FAM193A: variants seen among roughly 807,000 people sequenced by gnomAD.
The protein encoded by FAM193A is family with sequence similarity 193 member A, also known as protein FAM193A.
FAM193A carries 22 observed loss-of-function variants against 126.5 expected under a neutral mutation model. The ratio of observed to expected loss-of-function variants is 0.17; its 90% CI spans 0.12 to 0.25. The LOEUF (loss-of-function observed/expected upper bound fraction) is 0.25, where lower values mean the gene tolerates loss of function less well. FAM193A is among the 10% of genes least tolerant of loss of function. The probability of loss-of-function intolerance (pLI) is 1.00; values close to 1 mark genes in which losing one functional copy is unlikely to be tolerated. For missense variants in FAM193A, 1,675 were observed against 1,672.8 expected (o/e 1.00, Z -0.02); for synonymous variants, 761 against 646.8 (o/e 1.18, Z -2.68).
intron 1 of FAM193A, among the ~76,000 whole-genome samples, chr4:2,594,603 C>T (rs1345070577): frequency 1.3e-5 from 2 of 152,094 alleles, no homozygotes; most frequent in African/African-American, 4.8e-5. Flanking sequence ...TTGCCCTGCT[C>T]CCTGGGAGTG....
At chr4:2,640,005 A>C in intron 6 of FAM193A, 146 bp downstream of exon 6, 1 of 719,710 alleles carries the variant, frequency 1.4e-6, no homozygotes, top group Non-Finnish European at 2.2e-6. Flanking sequence ...AGTTTGGGCC[A>C]AAAGCTCAAA....
At chr4:2,546,006 G>GCCGCA (rs1449778657) in intron 1 of FAM193A, among the ~76,000 whole-genome samples, 5 of 152,098 alleles carry the variant, frequency 3.3e-5, no homozygotes, top group Non-Finnish European at 7.4e-5. Flanking sequence ...AAATTAGCGG[G>GCCGCA]GTGTGGTAGC....
rs1175378575 is a variant in FAM193A at position 2,631,055 on chromosome 4, A to C, written c.924A>C (p.Ala308=). ...TGTCGGCTGCGGCCAAGGTGAAGGC[A>C]CCATCTGGCCTGCAGGGCCCGCCGC... ...RQLSAAAKVK[A]PSGLQGPPQA... Residue 308 remains alanine (A), a synonymous_variant, in exon 5 of 21, where the codon GCA becomes GCC. Coordinates refer to ENST00000637812, the MANE Select transcript of FAM193A (RefSeq NM_001366318.2). 8 of 1,613,336 alleles carry C rather than the reference A, an allele frequency of 5.0e-6. No homozygotes were observed. The East Asian group carries it at 1.8e-4, about 36-fold the overall frequency.
chr4:2,649,286 G>A (rs1745437470), intron 7 of FAM193A, among the ~76,000 whole-genome samples: 1 of 150,460 alleles, frequency 6.6e-6, no homozygotes, highest in Admixed American at 6.7e-5. Flanking sequence ...AGTGGGGGAG[G>A]ATCACTTAAG....
At chr4:2,644,887 CAA>C (rs1199431062) in intron 6 of FAM193A, among the ~76,000 whole-genome samples, 3 of 152,060 alleles carry the variant, frequency 2.0e-5, no homozygotes, top group Non-Finnish European at 4.4e-5. Context: ...AAATCGTAAA[CAA>C]AGTTAGGTTT....
At chr4:2,677,665 C>G (rs140085748) in intron 13 of FAM193A, among the ~76,000 whole-genome samples, 1 of 149,770 alleles carries the variant, frequency 6.7e-6, no homozygotes, top group Non-Finnish European at 1.5e-5. Flanking sequence ...CACTTGAACC[C>G]GGGAGGCGGA....
intron 1 of FAM193A, among the ~76,000 whole-genome samples, chr4:2,561,497 C>CTTT (rs34320054): frequency 6.0e-5 from 7 of 117,546 alleles, no homozygotes; most frequent in South Asian, 2.8e-4. Flanking sequence ...GTAGAGATTT[C>CTTT]TTTTTTTTTT....
chr4:2,561,136 C>T (rs1018112142), intron 1 of FAM193A, among the ~76,000 whole-genome samples: 3 of 152,178 alleles, frequency 2.0e-5, no homozygotes, highest in East Asian at 3.8e-4. Flanking sequence ...TTGAGTTCTT[C>T]CTCTCAAGTT....
chr4:2,586,255 A>G (rs1740232023), intron 1 of FAM193A, among the ~76,000 whole-genome samples: 1 of 135,892 alleles, frequency 7.4e-6, no homozygotes, highest in African/African-American at 2.6e-5. Context: ...AAAAAAAAAA[A>G]TATATATATA....
At chr4:2,594,983 C>T (rs1351860253) in intron 1 of FAM193A, among the ~76,000 whole-genome samples, 2 of 151,592 alleles carry the variant, frequency 1.3e-5, no homozygotes, top group African/African-American at 4.8e-5. Flanking sequence ...TGCACACCAC[C>T]ACGCCCAGCT....
Position 2,731,902 on chromosome 4 carries a change from C to A in FAM193A, c.*34C>A. ...TCCCTGGAGAGGGACACGCGAGAGG[C>A]AGGCCAGGCTGCACCACCCCAAGAG... On this transcript the variant is annotated 3_prime_UTR_variant, in exon 21 of 21. Coordinates refer to ENST00000637812, the MANE Select transcript of FAM193A (RefSeq NM_001366318.2). The A allele has an allele frequency of 1.3e-6, 2 of 1,516,950 alleles. No individual in the cohort carries two copies. The highest frequency in any genetic ancestry group is 1.8e-6 in the Non-Finnish European group (2 of 1,092,468). The allele number at this position is 1,516,950 out of a possible 1,614,324, so 94.0% of individuals were successfully genotyped here.
intron 5 of FAM193A, among the ~76,000 whole-genome samples, chr4:2,634,808 C>T (rs948511228): frequency 6.6e-6 from 1 of 152,138 alleles, no homozygotes; most frequent in Admixed American, 6.5e-5. Context: ...TGATCTCAAA[C>T]ACAAAACACA....
At chr4:2,582,213 A>AC (rs1181620802) in intron 1 of FAM193A, among the ~76,000 whole-genome samples, 23 of 151,926 alleles carry the variant, frequency 1.5e-4, no homozygotes, top group Non-Finnish European at 1.5e-5. Flanking sequence ...AAGTGCAGTG[A>AC]CATGATCACA....
Position 2,714,581 on chromosome 4 carries a change from A to G in FAM193A, c.4373-1442A>G, listed in dbSNP as rs1399760201. Among the ~76,000 whole-genome samples, 4 of 152,104 alleles carry G rather than the reference A, an allele frequency of 2.6e-5. No homozygotes were observed. In the East Asian group the frequency reaches 5.8e-4, roughly 22 times the overall value. ...CCCTCAGGGATACAGTTGGGATCCG[A>G]GATAGCCAAGGCTGTCATAGAGCAG... On this transcript the variant is annotated intron_variant, in intron 19 of 20. Transcript: ENST00000637812.
intron 1 of FAM193A, among the ~76,000 whole-genome samples, chr4:2,566,948 T>C (rs1738998937): frequency 6.6e-6 from 1 of 151,384 alleles, no homozygotes; most frequent in South Asian, 2.1e-4. Flanking sequence ...TTTTCTTTTT[T>C]TTTTTTTTTG....
intron 10 of FAM193A, among the ~76,000 whole-genome samples, chr4:2,660,718 C>G (rs575021540): frequency 1.6e-3 from 239 of 152,336 alleles, no homozygotes; most frequent in Middle Eastern, 0.01. Flanking sequence ...ATTGTTGTTC[C>G]TGACCTTGGC....
chr4:2,626,546 G>A lies in FAM193A; in HGVS notation c.772G>A (p.Asp258Asn), dbSNP rs1302737940. ...TGACCAGGACCAGTCTCTGGTGCCT[G>A]ACAAGGAGGGAGTGAAGGAGCTCGT... ...ADDQDQSLVP[D>N]KEGVKELVDR... The change falls in exon 4 of 21, where the codon GAC (aspartate) becomes AAC (asparagine). Residue 258 changes from aspartate (D) to asparagine (N), a missense_variant. Asp to Asn is a conservative substitution (Grantham distance 23, BLOSUM62 1). This residue lies in a region of FAM193A where 1,186 missense variants were observed against 1,109.2 expected (regional missense o/e 1.07). Coordinates refer to ENST00000637812, the MANE Select transcript of FAM193A (RefSeq NM_001366318.2). 8 of 701,828 alleles carry A rather than the reference G, an allele frequency of 1.1e-5. No homozygotes were observed. Among genetic ancestry groups the A allele is most frequent in the Non-Finnish European group, 2.1e-5 (8 of 384,792 alleles). 43.5% of individuals were successfully genotyped at this position (701,828 alleles called of 1,614,324 possible). A position where few individuals can be genotyped will look rare whatever the true frequency, so the allele number is the denominator to read the frequency against.
At chr4:2,625,541 A>G in intron 3 of FAM193A, 146 bp downstream of exon 3, 1 of 493,480 alleles carries the variant, frequency 2.0e-6, no homozygotes, top group Non-Finnish European at 3.6e-6. Flanking sequence ...AAAGAACCAT[A>G]TGAGTAAGAC....
chr4:2,625,530 GAA>G, intron 3 of FAM193A, 135 bp downstream of exon 3: 2 of 512,176 alleles, frequency 3.9e-6, no homozygotes, highest in African/African-American at 1.9e-5. Context: ...GCTATTGAGA[GAA>G]AGAACCATAT....
Sources: allele counts gnomAD v4.1 joint callset (sites outside exome capture counted in the v4.1 genomes callset), GRCh38; gene constraint gnomAD v4.1.1; regional missense constraint gnomAD v4.1.1; transcripts MANE v1.5; gene names NCBI Gene and HGNC (gene_info 2026-07-23, HGNC 2026-07-21).